TRABD2B: variants seen among roughly 807,000 people sequenced by gnomAD.
The protein encoded by TRABD2B is metalloprotease TIKI2.
Under a neutral mutation model 40.1 loss-of-function variants are expected in TRABD2B, and 14 were observed. That is an observed-to-expected ratio of 0.35 (90% CI 0.23 to 0.55). TRABD2B has a LOEUF of 0.55. TRABD2B is among the 20% of genes least tolerant of loss of function. The pLI is 0.90. For missense variants in TRABD2B, 541 were observed against 648.6 expected (o/e 0.83, Z 1.80); for synonymous variants, 263 against 277.0 (o/e 0.95, Z 0.50).
chr1:47,975,821 A>G (rs1427320841), intron 2 of TRABD2B, among the ~76,000 whole-genome samples: 2 of 152,180 alleles, frequency 1.3e-5, no homozygotes, highest in Admixed American at 6.5e-5. Context: ...GAAGTGGGGT[A>G]GTCAAAGAGG....
chr1:47,778,135 CCA>C (rs144205283), intron 5 of TRABD2B, among the ~76,000 whole-genome samples: 2,307 of 152,272 alleles, frequency 0.015, 84 homozygotes, highest in Admixed American at 0.088. Flanking sequence ...GCCAGGGCAG[CCA>C]CAGTCTTCCA....
At position 47,996,791 on chromosome 1, in the gene TRABD2B, C is replaced by T. The variant is rs1646099524; in HGVS notation, c.-2G>A. On this transcript the variant is annotated 5_prime_UTR_variant, in exon 1 of 7. Coordinates refer to ENST00000606738, the MANE Select transcript of TRABD2B (RefSeq NM_001194986.2). This position sits in a 1 kb window ranked among gnomAD's most constrained non-coding sequence, Gnocchi z 4.6. Reference sequence around the variant, plus strand: ...CGGCCCCGCCAGGGCGGCGTGCATCCTGCCAGGGCCCGCGGGGCGCGGGGG... The same window carrying T: ...CGGCCCCGCCAGGGCGGCGTGCATCTTGCCAGGGCCCGCGGGGCGCGGGGG... 6 of 1,199,822 alleles carry T rather than the reference C, an allele frequency of 5.0e-6. No individual in the cohort carries two copies. Among genetic ancestry groups the T allele is most frequent in the Non-Finnish European group, 6.2e-6 (6 of 967,166 alleles). The allele number at this position is 1,199,822 out of a possible 1,614,324, so 74.3% of individuals were successfully genotyped here. A position where few individuals can be genotyped will look rare whatever the true frequency, so the allele number is the denominator to read the frequency against.
intron 2 of TRABD2B, among the ~76,000 whole-genome samples, chr1:47,920,907 C>T (rs890527073): frequency 2.6e-5 from 4 of 152,208 alleles, no homozygotes; most frequent in African/African-American, 9.7e-5. Context: ...CAAGGTCATA[C>T]AGTCAGTGAT....
In TRABD2B at chr1:47,994,615, A is replaced by G; in HGVS notation, c.103-18T>C. The G allele has an allele frequency of 6.5e-6, 10 of 1,526,860 alleles. No homozygotes were observed. Among genetic ancestry groups the G allele is most frequent in the Non-Finnish European group, 7.9e-6 (9 of 1,141,832 alleles). The allele number at this position is 1,526,860 out of a possible 1,614,324, so 94.6% of individuals were successfully genotyped here. ...TCCCTCTGCTGCAGGAGTAGAGAAG[A>G]GGCAAGGCAGTGAGGCCGAAGGCAA... is the stretch of plus-strand genomic sequence containing the variant. On this transcript the variant is annotated intron_variant, in intron 1 of 6. Coordinates refer to ENST00000606738, the MANE Select transcript of TRABD2B (RefSeq NM_001194986.2). The surrounding 1 kb of genome is among the most constrained non-coding windows in gnomAD (Gnocchi z 6.7).
chr1:47,888,131 G>C (rs1644395390), intron 2 of TRABD2B, among the ~76,000 whole-genome samples: 1 of 152,200 alleles, frequency 6.6e-6, no homozygotes, highest in Admixed American at 6.5e-5. Flanking sequence ...CAGACGGCTG[G>C]GGAGGCTAAA....
chr1:47,792,395 C>A (rs1274457747), intron 4 of TRABD2B, among the ~76,000 whole-genome samples: 1 of 152,230 alleles, frequency 6.6e-6, no homozygotes, highest in Non-Finnish European at 1.5e-5. Flanking sequence ...CAGCACCACT[C>A]ACTGACCACA....
intron 1 of TRABD2B, among the ~76,000 whole-genome samples, chr1:47,995,258 G>C (rs1419264106): frequency 2.0e-5 from 3 of 152,176 alleles, no homozygotes; most frequent in Non-Finnish European, 4.4e-5. Flanking sequence ...CAGGTCTGGG[G>C]TGTCAGCTAC....
intron 2 of TRABD2B, among the ~76,000 whole-genome samples, chr1:47,874,252 A>ACTTTTT (rs1461578175): frequency 1.1e-5 from 1 of 90,520 alleles, no homozygotes; most frequent in African/African-American, 4.5e-5. Context: ...TGATTAATTA[A>ACTTTTT]TTTTTTTTTT....
chr1:47,898,041 C>T (rs1277419976), intron 2 of TRABD2B, among the ~76,000 whole-genome samples: 2 of 152,134 alleles, frequency 1.3e-5, no homozygotes, highest in Non-Finnish European at 2.9e-5. Flanking sequence ...TCCAACAACA[C>T]AGGTTGTTGG....
chr1:47,935,391 G>A (rs943866253), intron 2 of TRABD2B, among the ~76,000 whole-genome samples: 1 of 152,130 alleles, frequency 6.6e-6, no homozygotes, highest in Non-Finnish European at 1.5e-5. Flanking sequence ...GTTCGCACCC[G>A]TCGTCACTGT....
In TRABD2B at chr1:47,842,047, C is replaced by A. The variant is rs754235905; in HGVS notation, c.667-40428G>T. Among the ~76,000 whole-genome samples the A allele has an allele frequency of 3.9e-5, 6 of 152,266 alleles. No homozygotes were observed. The South Asian group carries it at 8.3e-4, about 21-fold the overall frequency. ...TCAGCCTCCCAAAGTGCTGGGATTA[C>A]AGGCATGAACCACTGCGCCTGGCCG... On this transcript the variant is annotated intron_variant, in intron 2 of 6. Coordinates refer to ENST00000606738, the MANE Select transcript of TRABD2B (RefSeq NM_001194986.2).
rs544949727 is a variant in TRABD2B, at chr1:47,956,663, C to T, written c.666+37371G>A. Among the ~76,000 whole-genome samples, 24 of 152,304 alleles carry T rather than the reference C, an allele frequency of 1.6e-4. No homozygotes were observed. In the East Asian group the frequency reaches 2.5e-3, roughly 16 times the overall value. On this transcript the variant is annotated intron_variant, in intron 2 of 6. Coordinates refer to ENST00000606738, the MANE Select transcript of TRABD2B (RefSeq NM_001194986.2). ...GGCGGCAGGGAGGCTGGCGGAGGGGCGCCCGCCATTGCTGAGGCTTGAGTA... is the reference window on the plus strand; with the variant it reads ...GGCGGCAGGGAGGCTGGCGGAGGGGTGCCCGCCATTGCTGAGGCTTGAGTA...
Position 47,867,049 on chromosome 1 carries a change from G to C in TRABD2B, c.667-65430C>G, listed in dbSNP as rs954028583. Among the ~76,000 whole-genome samples, 14 of 152,338 alleles carry C rather than the reference G, an allele frequency of 9.2e-5. No individual in the cohort carries two copies. The Middle Eastern group carries it at 0.01, about 111-fold the overall frequency. On this transcript the variant is annotated intron_variant, in intron 2 of 6. Coordinates refer to ENST00000606738, the MANE Select transcript of TRABD2B (RefSeq NM_001194986.2). ...CCACCCGCCTGTCTCCTGCAAGGAA[G>C]TGAAATGTGTAATGACAACTGCGTT...
At chr1:47,819,955 C>T (rs1645084010) in intron 2 of TRABD2B, 1 of 152,214 alleles carries the variant, frequency 6.6e-6, no homozygotes, top group Non-Finnish European at 1.5e-5. Context: ...CACTTGCCCT[C>T]ACTTTCTCAA....
chr1:47,918,309 T>C (rs964445909), intron 2 of TRABD2B, among the ~76,000 whole-genome samples: 1 of 152,188 alleles, frequency 6.6e-6, no homozygotes, highest in Non-Finnish European at 1.5e-5. Context: ...GTGTAGCAAG[T>C]AGATGAATAG....
intron 2 of TRABD2B, among the ~76,000 whole-genome samples, chr1:47,849,839 C>A (rs1645523434): frequency 6.6e-6 from 1 of 152,226 alleles, no homozygotes; most frequent in Non-Finnish European, 1.5e-5. Context: ...CTGCCTTACA[C>A]AACTGCCTTC....
chr1:47,984,876 G>A (rs1645898791), intron 2 of TRABD2B, among the ~76,000 whole-genome samples: 1 of 152,126 alleles, frequency 6.6e-6, no homozygotes, highest in Non-Finnish European at 1.5e-5. Context: ...TACCAAGAAA[G>A]GAAGCACCTG....
chr1:47,919,525 T>A (rs1644874688), intron 2 of TRABD2B, among the ~76,000 whole-genome samples: 1 of 152,250 alleles, frequency 6.6e-6, no homozygotes, highest in Non-Finnish European at 1.5e-5. Flanking sequence ...CGCTGCTGGT[T>A]GGGTTCCACC....
chr1:47,954,996 C>G (rs1395038136), intron 2 of TRABD2B, among the ~76,000 whole-genome samples: 1 of 152,096 alleles, frequency 6.6e-6, no homozygotes, highest in Non-Finnish European at 1.5e-5. Context: ...AACTGCCTGA[C>G]AGCCTGTCCA....
Sources: gnomAD v4.1 joint callset for allele counts (sites outside exome capture counted in the v4.1 genomes callset) on GRCh38, gnomAD v4.1.1 for gene constraint, Gnocchi (gnomAD v3.1) non-coding constraint, MANE v1.5 for transcripts, NCBI Gene and HGNC (gene_info 2026-07-23, HGNC 2026-07-21) for gene names.